TMPRSS15: variants seen among roughly 807,000 people sequenced by gnomAD.
TMPRSS15 encodes the protein enteropeptidase.
Under a neutral mutation model 125.3 loss-of-function variants are expected in TMPRSS15, and 128 were observed. The ratio of observed to expected loss-of-function variants is 1.02; its 90% confidence interval spans 0.89 to 1.18. The LOEUF is 1.18. Ranked by LOEUF, TMPRSS15 falls within the 50% of genes most tolerant of loss-of-function variation. The pLI, the probability that TMPRSS15 is intolerant of heterozygous loss-of-function variation, is 0.00. For synonymous variants in TMPRSS15, 446 were observed against 423.2 expected (o/e 1.05, Z -0.66); for missense variants, 1,283 against 1,212.7 (o/e 1.06, Z -0.86).
intron 16 of TMPRSS15, among the ~76,000 whole-genome samples, 159 bp downstream of exon 16, chr21:18,326,273 A>G (rs1013816470): frequency 1.3e-5 from 2 of 152,192 alleles, no homozygotes; most frequent in African/African-American, 4.8e-5. Context: ...TAACGGTACT[A>G]CAGATGTAAA....
intron 14 of TMPRSS15, among the ~76,000 whole-genome samples, chr21:18,330,854 T>C (rs565081220): frequency 6.6e-6 from 1 of 151,974 alleles, no homozygotes; most frequent in Non-Finnish European, 1.5e-5. Context: ...GGGCAGATCA[T>C]GAAGTCAGCA....
At chr21:18,346,607 C>T (rs2075511505) in intron 10 of TMPRSS15, among the ~76,000 whole-genome samples, 1 of 152,166 alleles carries the variant, frequency 6.6e-6, no homozygotes, top group Non-Finnish European at 1.5e-5. Flanking sequence ...GCTGTACATT[C>T]AGTTGCTTCC....
chr21:18,452,131 G>T (rs1169776559), intron 1 of TMPRSS15, among the ~76,000 whole-genome samples: 1 of 152,070 alleles, frequency 6.6e-6, no homozygotes, highest in Non-Finnish European at 1.5e-5. Flanking sequence ...GCTAGTGGCA[G>T]GTGAGCTTAT....
intron 3 of TMPRSS15, among the ~76,000 whole-genome samples, chr21:18,390,407 C>T (rs1340942669): frequency 6.6e-6 from 1 of 152,150 alleles, no homozygotes; most frequent in Non-Finnish European, 1.5e-5. Flanking sequence ...TAACCTCTAA[C>T]ATAATATTCA....
At chr21:18,455,552 C>A (rs1350050109) in intron 1 of TMPRSS15, among the ~76,000 whole-genome samples, 1 of 152,156 alleles carries the variant, frequency 6.6e-6, no homozygotes, top group East Asian at 1.9e-4. Context: ...TTAATAAGCT[C>A]TCTAGATGTG....
At chr21:18,482,321 T>C (rs1978995985) in intron 1 of TMPRSS15, among the ~76,000 whole-genome samples, 1 of 151,526 alleles carries the variant, frequency 6.6e-6, no homozygotes, top group Non-Finnish European at 1.5e-5. Context: ...TATCTTAAAA[T>C]ATATTCAAAT....
intron 14 of TMPRSS15, among the ~76,000 whole-genome samples, chr21:18,330,941 C>T (rs1053346203): frequency 5.3e-5 from 8 of 151,840 alleles, no homozygotes; most frequent in South Asian, 2.1e-4. Context: ...GGCCTGGTGG[C>T]GGGCGCCTGT....
At chr21:18,311,800 C>T (rs756781449) in intron 18 of TMPRSS15, among the ~76,000 whole-genome samples, 2 of 152,118 alleles carry the variant, frequency 1.3e-5, no homozygotes, top group African/African-American at 2.4e-5. Flanking sequence ...ATGTTTATTG[C>T]AGCACTATTC....
At chr21:18,343,479 A>G (rs954681932) in intron 12 of TMPRSS15, 27 bp downstream of exon 12, 3 of 1,551,950 alleles carry the variant, frequency 1.9e-6, no homozygotes, top group Non-Finnish European at 2.7e-6. Context: ...AAGGATACAA[A>G]TATAAATAAT....
At chr21:18,336,459 A>C (rs1362123003) in intron 13 of TMPRSS15, among the ~76,000 whole-genome samples, 1 of 152,218 alleles carries the variant, frequency 6.6e-6, no homozygotes, top group Non-Finnish European at 1.5e-5. Context: ...TGTAATTTAA[A>C]GTAAAATGTT....
chr21:18,396,369 T>C (rs1431463384), intron 3 of TMPRSS15, among the ~76,000 whole-genome samples: 1 of 152,224 alleles, frequency 6.6e-6, no homozygotes, highest in South Asian at 2.1e-4. Context: ...CCCCAACACC[T>C]ACTAGCTGTG....
intron 18 of TMPRSS15, among the ~76,000 whole-genome samples, chr21:18,308,204 C>T (rs1362433426): frequency 6.6e-6 from 1 of 152,094 alleles, no homozygotes; most frequent in Non-Finnish European, 1.5e-5. Flanking sequence ...GCCACTTACC[C>T]AGTTCTTTAC....
intron 8 of TMPRSS15, among the ~76,000 whole-genome samples, chr21:18,357,188 T>A (rs1255318426): frequency 6.6e-6 from 1 of 151,898 alleles, no homozygotes; most frequent in Non-Finnish European, 1.5e-5. Context: ...GTATTAATAA[T>A]TATTACAACC....
At chr21:18,309,543 A>T (rs1441583154) in intron 18 of TMPRSS15, among the ~76,000 whole-genome samples, 1 of 152,198 alleles carries the variant, frequency 6.6e-6, no homozygotes, top group African/African-American at 2.4e-5. Flanking sequence ...TCTACAAAGA[A>T]GTAACAAATT....
At chr21:18,359,317 A>G (rs532077585) in intron 8 of TMPRSS15, among the ~76,000 whole-genome samples, 3 of 152,186 alleles carry the variant, frequency 2.0e-5, no homozygotes, top group Non-Finnish European at 4.4e-5. Context: ...TGTTTTAGCC[A>G]CTTTATTAGT....
At position 18,306,125 on chromosome 21, in the gene TMPRSS15, A is replaced by AT. The variant is rs372493426; in HGVS notation, c.2165+6819dup. On this transcript the variant is annotated intron_variant, in intron 18 of 24. Transcript: ENST00000284885. The stretch of plus-strand genomic sequence containing the variant: ...GAAATCATCTAAAGCCAAAGGTTAC[A>AT]TTTTTTTTTTACTGTTCCCATATCT... 6.5e-3 allele frequency among the ~76,000 whole-genome samples: 980 copies of AT among 149,788 alleles called. 9 individuals carry two copies. Among genetic ancestry groups the AT allele is most frequent in the African/African-American group, 0.021 (841 of 40,948 alleles).
chr21:18,372,756 G>C (rs1359407833), intron 5 of TMPRSS15, among the ~76,000 whole-genome samples: 1 of 152,178 alleles, frequency 6.6e-6, no homozygotes, highest in Non-Finnish European at 1.5e-5. Flanking sequence ...CCTTGGGTCA[G>C]AGATTCTTAG....
chr21:18,465,207 A>T (rs1978635593), intron 1 of TMPRSS15, among the ~76,000 whole-genome samples: 2 of 151,254 alleles, frequency 1.3e-5, no homozygotes, highest in Admixed American at 1.3e-4. Context: ...ATAAAATTCA[A>T]CACCCCTTCA....
intron 14 of TMPRSS15, among the ~76,000 whole-genome samples, chr21:18,330,045 C>A (rs1249688994): frequency 6.6e-6 from 1 of 152,104 alleles, no homozygotes; most frequent in East Asian, 1.9e-4. Flanking sequence ...GCAGAATTAT[C>A]TCTTTTGCAA....
Sources: allele counts gnomAD v4.1 joint callset (sites outside exome capture counted in the v4.1 genomes callset), GRCh38; gene constraint gnomAD v4.1.1; transcripts MANE v1.5; gene names NCBI Gene and HGNC (gene_info 2026-07-23, HGNC 2026-07-21).